The following ANO2 variants were observed in gnomAD, a reference collection of about 807,000 sequenced individuals.
The protein encoded by ANO2 is anoctamin 2.
Under a neutral mutation model 124.2 loss-of-function variants are expected in ANO2, and 101 were observed. The ratio of observed to expected loss-of-function variants is 0.81; its 90% CI spans 0.69 to 0.96. The LOEUF (loss-of-function observed/expected upper bound fraction) is 0.96. Ranked by LOEUF, ANO2 falls within the 40% of genes least tolerant of loss-of-function variation. The pLI, the probability that ANO2 is intolerant of heterozygous loss-of-function variation, is 0.00. For missense variants in ANO2, 1,293 were observed against 1,274.5 expected (o/e 1.01, Z -0.22); for synonymous variants, 486 against 482.5 (o/e 1.01, Z -0.09).
chr12:5,891,034 T>C (rs1377159740), intron 3 of ANO2, among the ~76,000 whole-genome samples: 1 of 152,238 alleles, frequency 6.6e-6, no homozygotes, highest in Non-Finnish European at 1.5e-5. Flanking sequence ...CTTTGGGGTA[T>C]GTCCATTTAC....
At chr12:5,941,286 A>G (rs1942885082) in intron 1 of ANO2, among the ~76,000 whole-genome samples, 2 of 152,262 alleles carry the variant, frequency 1.3e-5, no homozygotes, top group Admixed American at 1.3e-4. Flanking sequence ...CTGTTTTTCA[A>G]TGGAATTCCT....
intron 23 of ANO2, among the ~76,000 whole-genome samples, chr12:5,567,046 A>G (rs1941809348): frequency 6.6e-6 from 1 of 152,206 alleles, no homozygotes; most frequent in African/African-American, 2.4e-5. Flanking sequence ...CGCACACACA[A>G]AGATAAAAAA....
intron 10 of ANO2, among the ~76,000 whole-genome samples, chr12:5,771,654 C>A (rs1952085973): frequency 6.6e-6 from 1 of 152,056 alleles, no homozygotes. Flanking sequence ...GTGGTGGGTG[C>A]CTGTAATCCC....
chr12:5,604,052 G>A (rs977377925), intron 19 of ANO2, among the ~76,000 whole-genome samples: 97 of 152,030 alleles, frequency 6.4e-4, no homozygotes, highest in African/African-American at 1.9e-3. Context: ...TGGTTCAGGC[G>A]AGAGATTATG....
intron 4 of ANO2, 50 bp from the exon 5 acceptor site, chr12:5,832,653 G>A (rs1954193624): frequency 6.5e-7 from 1 of 1,548,090 alleles, no homozygotes; most frequent in Admixed American, 2.0e-5. Context: ...TTCCAGCAGA[G>A]AGGAATGGCT....
chr12:5,882,827 G>A lies in ANO2; in HGVS notation c.535-28686C>T, dbSNP rs1005283754. Among the ~76,000 whole-genome samples the A allele has an allele frequency of 2.6e-5, 4 of 152,208 alleles. No individual in the cohort carries two copies. In the South Asian group the frequency reaches 8.3e-4, roughly 32 times the overall value. Reference sequence around the variant, plus strand: ...AGGCAGAGATCTTGATCAAACTGGGGCCAGAGGGCATTGCATAGACCACTT... The same window carrying A: ...AGGCAGAGATCTTGATCAAACTGGGACCAGAGGGCATTGCATAGACCACTT... On this transcript the variant is annotated intron_variant, in intron 3 of 24. Transcript: ENST00000682330.
chr12:5,563,254 G>A lies in ANO2; in HGVS notation c.*45C>T, dbSNP rs377751347. The A allele has an allele frequency of 3.2e-6, 5 of 1,561,218 alleles. No individual in the cohort carries two copies. Among genetic ancestry groups the A allele is most frequent in the African/African-American group, 2.7e-5 (2 of 73,916 alleles). On this transcript the variant is annotated 3_prime_UTR_variant, in exon 25 of 25. Transcript: ENST00000682330. Reference sequence around the variant, plus strand: ...TGTAGGAACATGCTTACGTGCATGTGCGTGTCTCTGCTGCCGTGCCCTCCT... The same window carrying A: ...TGTAGGAACATGCTTACGTGCATGTACGTGTCTCTGCTGCCGTGCCCTCCT...
intron 2 of ANO2, among the ~76,000 whole-genome samples, chr12:5,922,135 T>G (rs887868498): frequency 6.6e-6 from 1 of 150,812 alleles, no homozygotes; most frequent in Non-Finnish European, 1.5e-5. Context: ...ACTCCAGAGG[T>G]GGGGAGGTGG....
intron 16 of ANO2, among the ~76,000 whole-genome samples, chr12:5,628,420 G>A (rs1188951492): frequency 6.6e-6 from 1 of 152,140 alleles, no homozygotes; most frequent in Non-Finnish European, 1.5e-5. Flanking sequence ...AACTTTTCTG[G>A]GGAACAAGGA....
At chr12:5,677,667 G>A (rs562496883) in intron 14 of ANO2, among the ~76,000 whole-genome samples, 86 of 152,234 alleles carry the variant, frequency 5.6e-4, no homozygotes, top group South Asian at 1.2e-3. Context: ...GCCTACTGGA[G>A]GTCAAGCATT....
intron 22 of ANO2, among the ~76,000 whole-genome samples, chr12:5,577,668 T>C (rs1271008253): frequency 6.6e-6 from 1 of 152,252 alleles, no homozygotes; most frequent in Non-Finnish European, 1.5e-5. Context: ...CTCATTATTC[T>C]TGGCTCCAAG....
At chr12:5,617,676 T>C (rs1944895516) in intron 16 of ANO2, among the ~76,000 whole-genome samples, 1 of 152,040 alleles carries the variant, frequency 6.6e-6, no homozygotes, top group Non-Finnish European at 1.5e-5. Flanking sequence ...GATTACGTCG[T>C]ACCGCACTCT....
chr12:5,795,938 A>G (rs934656557), intron 10 of ANO2, among the ~76,000 whole-genome samples: 3 of 152,056 alleles, frequency 2.0e-5, no homozygotes, highest in Admixed American at 6.6e-5. Flanking sequence ...CCAGCTCCCT[A>G]AAGGACTAGA....
intron 19 of ANO2, among the ~76,000 whole-genome samples, chr12:5,602,018 G>C (rs1400142162): frequency 1.3e-5 from 2 of 152,204 alleles, no homozygotes; most frequent in Non-Finnish European, 2.9e-5. Flanking sequence ...TTAAGGAACA[G>C]TAGACGCCAA....
intron 3 of ANO2, among the ~76,000 whole-genome samples, chr12:5,897,661 T>C (rs1939886663): frequency 6.6e-6 from 1 of 151,538 alleles, no homozygotes; most frequent in Non-Finnish European, 1.5e-5. Flanking sequence ...GTCCGTTCAA[T>C]AAATGACGTT....
chr12:5,883,955 C>T (rs1938700730), intron 3 of ANO2, among the ~76,000 whole-genome samples: 2 of 152,112 alleles, frequency 1.3e-5, no homozygotes, highest in African/African-American at 2.4e-5. Context: ...CCAGCATTGT[C>T]AGGTATATAT....
In ANO2 at chr12:5,945,255, C is replaced by G; in HGVS notation, c.-38G>C. 3 of 1,282,718 alleles carry G rather than the reference C, an allele frequency of 2.3e-6. No homozygotes were observed. The highest frequency in any genetic ancestry group is 3.0e-6 in the Non-Finnish European group (3 of 985,122). The allele number at this position is 1,282,718 out of a possible 1,614,324, so 79.5% of individuals were successfully genotyped here. ...GACCCCGCCGGCCCGCGGCCGCGCG[C>G]TTCTGGGCAGGCTTATGCCGCCGCG... On this transcript the variant is annotated 5_prime_UTR_variant, in exon 1 of 25. Coordinates refer to ENST00000682330, the MANE Select transcript of ANO2 (RefSeq NM_001364791.2).
intron 13 of ANO2, among the ~76,000 whole-genome samples, chr12:5,737,301 C>T (rs1950910452): frequency 6.6e-6 from 1 of 152,244 alleles, no homozygotes; most frequent in African/African-American, 2.4e-5. Context: ...AGGCCCCTCT[C>T]AGCCAGCACA....
At chr12:5,738,947 C>T (rs1950983227) in intron 13 of ANO2, among the ~76,000 whole-genome samples, 1 of 152,124 alleles carries the variant, frequency 6.6e-6, no homozygotes, top group Non-Finnish European at 1.5e-5. Context: ...CTCCTTTGGC[C>T]CTCAGGAGGC....
Sources: allele counts gnomAD v4.1 joint callset (sites outside exome capture counted in the v4.1 genomes callset), GRCh38; gene constraint gnomAD v4.1.1; transcripts MANE v1.5; gene names NCBI Gene and HGNC (gene_info 2026-07-23, HGNC 2026-07-21).